The following SORCS3 variants were observed in gnomAD, a reference collection of about 807,000 sequenced individuals.
SORCS3 encodes sortilin related VPS10 domain containing receptor 3.
SORCS3 carries 57 observed loss-of-function variants against 146.3 expected under a neutral mutation model. The observed-to-expected ratio is 0.39, with a 90% CI of 0.31 to 0.49. SORCS3 has a LOEUF of 0.49. Ranked by LOEUF, SORCS3 falls within the 20% of genes least tolerant of loss-of-function variation. The pLI is 0.92. For synonymous variants in SORCS3, 653 were observed against 618.5 expected (o/e 1.06, Z -0.83); for missense variants, 1,341 against 1,575.5 (o/e 0.85, Z 2.52).
At chr10:104,820,412 C>T (rs544598127) in intron 1 of SORCS3, among the ~76,000 whole-genome samples, 326 of 152,276 alleles carry the variant, frequency 2.1e-3, no homozygotes, top group Non-Finnish European at 3.9e-3. Context: ...TACTTATTAA[C>T]AGATGTTTAT....
intron 2 of SORCS3, among the ~76,000 whole-genome samples, chr10:104,843,068 A>G (rs1483086476): frequency 1.3e-5 from 2 of 152,106 alleles, no homozygotes; most frequent in Non-Finnish European, 2.9e-5. Context: ...TTGCAAATAC[A>G]CCTTGGCCCT....
intron 1 of SORCS3, among the ~76,000 whole-genome samples, chr10:104,651,533 T>TAA (rs34352025): frequency 0.022 from 2,478 of 112,506 alleles, 58 homozygotes; most frequent in African/African-American, 0.054. Flanking sequence ...CGGGCTCTAC[T>TAA]AAAAAAAAAA....
chr10:105,236,718 C>T (rs1199415183), intron 20 of SORCS3, among the ~76,000 whole-genome samples: 1 of 152,158 alleles, frequency 6.6e-6, no homozygotes, highest in East Asian at 1.9e-4. Context: ...AGGTATATGA[C>T]TAAAAACAAA....
chr10:104,698,205 C>A (rs540066189), intron 1 of SORCS3, among the ~76,000 whole-genome samples: 1 of 152,096 alleles, frequency 6.6e-6, no homozygotes, highest in East Asian at 1.9e-4. Context: ...CAGGCATTCC[C>A]AGCCCCATTT....
intron 2 of SORCS3, among the ~76,000 whole-genome samples, chr10:104,877,044 T>C (rs796853266): frequency 1.1e-4 from 16 of 152,024 alleles, no homozygotes; most frequent in African/African-American, 3.9e-4. Flanking sequence ...GGAGACAAGG[T>C]CTCCCTATAT....
At chr10:105,047,608 T>A (rs1211658850) in intron 5 of SORCS3, among the ~76,000 whole-genome samples, 2 of 152,092 alleles carry the variant, frequency 1.3e-5, no homozygotes, top group African/African-American at 4.8e-5. Flanking sequence ...AGACATACTA[T>A]AAGTTCTATA....
At chr10:105,005,495 G>A (rs545781592) in intron 4 of SORCS3, among the ~76,000 whole-genome samples, 73 of 152,210 alleles carry the variant, frequency 4.8e-4, no homozygotes, top group African/African-American at 1.7e-3. Context: ...GCTGAGACTT[G>A]GAGGATGAGT....
intron 3 of SORCS3, among the ~76,000 whole-genome samples, chr10:104,920,149 T>C (rs2019072854): frequency 1.3e-5 from 2 of 152,204 alleles, no homozygotes; most frequent in South Asian, 2.1e-4. Flanking sequence ...ATGGCAGTAG[T>C]CTCTCGTGGA....
At position 104,641,362 on chromosome 10, in the gene SORCS3, G is replaced by A. The variant is rs562822100; in HGVS notation, c.35G>A (p.Arg12Lys). 4.8e-3 allele frequency: 6,792 copies of A among 1,408,960 alleles called. 31 individuals carry two copies. Among genetic ancestry groups the A allele is most frequent in the Non-Finnish European group, 5.2e-3 (5,604 of 1,085,370 alleles). 87.3% of individuals were successfully genotyped at this position (1,408,960 alleles called of 1,614,324 possible). Residue 12 changes from arginine to lysine, a missense_variant, in exon 1 of 27, where the codon AGG (arginine) becomes AAG (lysine). Transcript: ENST00000369701. The surrounding 1 kb of genome is among the most constrained non-coding windows in gnomAD (Gnocchi z 6.4). ...EAARTERPAG[R>K]PGAPLVRTGL... ...GCGCGCACGGAGCGCCCCGCAGGCA[G>A]GCCGGGGGCGCCGCTTGTCCGGACG...
intron 1 of SORCS3, among the ~76,000 whole-genome samples, chr10:104,791,228 C>G (rs1378996889): frequency 6.6e-6 from 1 of 152,132 alleles, no homozygotes; most frequent in Non-Finnish European, 1.5e-5. Flanking sequence ...GAATGGGAGG[C>G]TAGATCTTGG....
chr10:104,721,548 A>C (rs1033624196), intron 1 of SORCS3, among the ~76,000 whole-genome samples: 2 of 151,898 alleles, frequency 1.3e-5, no homozygotes, highest in African/African-American at 4.8e-5. Context: ...ATGGCATTGA[A>C]TCTATAAATT....
At chr10:105,070,341 A>G (rs2055548698) in intron 5 of SORCS3, among the ~76,000 whole-genome samples, 1 of 152,222 alleles carries the variant, frequency 6.6e-6, no homozygotes, top group Non-Finnish European at 1.5e-5. Context: ...ATGCAGGCTT[A>G]CTCTAAAGCT....
intron 5 of SORCS3, among the ~76,000 whole-genome samples, chr10:105,044,745 G>T (rs1042995558): frequency 1.3e-5 from 2 of 151,660 alleles, no homozygotes; most frequent in Non-Finnish European, 2.9e-5. Flanking sequence ...GTTCGGAGTA[G>T]TTGTGAGAGA....
At chr10:105,063,562 A>G (rs1021947027) in intron 5 of SORCS3, among the ~76,000 whole-genome samples, 19 of 152,224 alleles carry the variant, frequency 1.2e-4, no homozygotes, top group Admixed American at 1.3e-4. Context: ...CTTGTGAGAT[A>G]AGGTGTGATG....
intron 3 of SORCS3, among the ~76,000 whole-genome samples, chr10:104,972,942 A>G (rs1352646843): frequency 6.6e-6 from 1 of 152,160 alleles, no homozygotes; most frequent in African/African-American, 2.4e-5. Flanking sequence ...TTCTGCATCT[A>G]TTGAGATAAT....
At chr10:104,714,038 A>G (rs2016449369) in intron 1 of SORCS3, among the ~76,000 whole-genome samples, 1 of 152,192 alleles carries the variant, frequency 6.6e-6, no homozygotes, top group South Asian at 2.1e-4. Flanking sequence ...ATTTGTAAGC[A>G]TAGTTATCTG....
chr10:105,214,031 G>A (rs1234069712), intron 17 of SORCS3, among the ~76,000 whole-genome samples: 2 of 152,160 alleles, frequency 1.3e-5, no homozygotes, highest in Non-Finnish European at 2.9e-5. Flanking sequence ...TACAGAGAAA[G>A]CTGGAGATGG....
intron 1 of SORCS3, among the ~76,000 whole-genome samples, chr10:104,704,754 G>A (rs955627834): frequency 1.3e-5 from 2 of 152,144 alleles, no homozygotes; most frequent in African/African-American, 4.8e-5. Context: ...GCAAGCAACT[G>A]TGGAAAGGAT....
intron 3 of SORCS3, among the ~76,000 whole-genome samples, chr10:104,933,012 T>G (rs1307991780): frequency 6.6e-6 from 1 of 152,214 alleles, no homozygotes; most frequent in Non-Finnish European, 1.5e-5. Flanking sequence ...ATTACAGACA[T>G]GAGCCACTGT....
Sources: allele counts gnomAD v4.1 joint callset (sites outside exome capture counted in the v4.1 genomes callset), GRCh38; gene constraint gnomAD v4.1.1; non-coding constraint Gnocchi (gnomAD v3.1); transcripts MANE v1.5; gene names NCBI Gene and HGNC (gene_info 2026-07-23, HGNC 2026-07-21).